ATP6V0A2: variants seen among roughly 807,000 people sequenced by gnomAD.
ATP6V0A2 encodes the protein V-type proton ATPase 116 kDa subunit a 2.
Under a neutral mutation model 104.4 loss-of-function variants are expected in ATP6V0A2, and 58 were observed. The observed-to-expected ratio is 0.56, with a 90% CI of 0.45 to 0.69. The LOEUF is 0.69. Among genes scored for constraint, ATP6V0A2 ranks in the 30% least tolerant of loss-of-function variants. ATP6V0A2 has a pLI of 0.00. For missense variants in ATP6V0A2, 938 were observed against 1,062.9 expected (o/e 0.88, Z 1.63); for synonymous variants, 376 against 397.9 (o/e 0.95, Z 0.65).
chr12:123,743,720 T>C, intron 9 of ATP6V0A2, 65 bp from the exon 10 acceptor site: 3 of 1,575,320 alleles, frequency 1.9e-6, no homozygotes, highest in Admixed American at 1.7e-5. Context: ...CCCAGATTCG[T>C]TGAATATGGA....
chr12:123,723,011 T>G (rs1956415059), intron 3 of ATP6V0A2, among the ~76,000 whole-genome samples: 1 of 152,254 alleles, frequency 6.6e-6, no homozygotes, highest in African/African-American at 2.4e-5. Context: ...AACACTCACC[T>G]GTGCTGCTTA....
chr12:123,749,823 C>A (rs1250332487), intron 15 of ATP6V0A2, among the ~76,000 whole-genome samples: 1 of 152,146 alleles, frequency 6.6e-6, no homozygotes, highest in Admixed American at 6.5e-5. Context: ...AGCCTGTGTT[C>A]CTCCTGAGCC....
rs377048192 is a variant in ATP6V0A2 at position 123,752,217 on chromosome 12, C to T, written c.2056-66C>T. On this transcript the variant is annotated intron_variant, in intron 16 of 19. Coordinates refer to ENST00000330342, the MANE Select transcript of ATP6V0A2 (RefSeq NM_012463.4). The stretch of plus-strand genomic sequence containing the variant: ...CATTAAGAGAAACAAAGAAACTATA[C>T]AAGTTTGGTTTTGTCACAACCTTGT... The T allele has an allele frequency of 4.1e-5, 65 of 1,602,016 alleles. No individual in the cohort carries two copies. The East Asian group carries it at 8.5e-4, about 21-fold the overall frequency.
intron 7 of ATP6V0A2, 93 bp from the exon 8 acceptor site, chr12:123,735,438 C>T: frequency 8.2e-7 from 1 of 1,221,386 alleles, no homozygotes; most frequent in East Asian, 2.4e-5. Flanking sequence ...CGGCTGCTTT[C>T]ATTCCGTTTT....
At position 123,744,578 on chromosome 12, in the gene ATP6V0A2, C is replaced by T; in HGVS notation, c.1327-19C>T. 6.2e-7 allele frequency: 1 copy of T among 1,612,354 alleles called. No individual in the cohort carries two copies. Among genetic ancestry groups the T allele is most frequent in the Non-Finnish European group, 8.5e-7 (1 of 1,180,012 alleles). On this transcript the variant is annotated intron_variant, in intron 11 of 19. Coordinates refer to ENST00000330342, the MANE Select transcript of ATP6V0A2 (RefSeq NM_012463.4). The surrounding 1 kb of genome is among the most constrained non-coding windows in gnomAD (Gnocchi z 5.4). ...CACCCTCCAGTAACCATATTCTGCC[C>T]CCGCCTTGCCCTTCACAGATCATGA... is the stretch of plus-strand genomic sequence containing the variant.
At chr12:123,725,808 A>G (rs1956443693) in intron 4 of ATP6V0A2, among the ~76,000 whole-genome samples, 2 of 151,382 alleles carry the variant, frequency 1.3e-5, no homozygotes, top group Admixed American at 6.6e-5. Flanking sequence ...AAAAAAAAAA[A>G]GAAAAAAAAT....
rs1340470098 is a variant in ATP6V0A2, at chr12:123,712,822, C to T, written c.117+140C>T. 4 of 811,992 alleles carry T rather than the reference C, an allele frequency of 4.9e-6. No homozygotes were observed. In the Admixed American group the frequency reaches 6.3e-5, roughly 13 times the overall value. 50.3% of individuals were successfully genotyped at this position (811,992 alleles called of 1,614,324 possible). A position where few individuals can be genotyped will look rare whatever the true frequency, so the allele number is the denominator to read the frequency against. ...TGTCCAGACGGGGAAGATGACACCC[C>T]AGCTCAGCGGCCAAAGCTTCCCGGA... On this transcript the variant is annotated intron_variant, in intron 1 of 19. Transcript: ENST00000330342.
chr12:123,740,645 T>C (rs1274636954), intron 9 of ATP6V0A2, among the ~76,000 whole-genome samples: 1 of 152,244 alleles, frequency 6.6e-6, no homozygotes, highest in African/African-American at 2.4e-5. Flanking sequence ...GCTTTGGTTT[T>C]CTTCTTTTAG....
chr12:123,715,864 C>T (rs768258963), intron 1 of ATP6V0A2, among the ~76,000 whole-genome samples: 1 of 152,088 alleles, frequency 6.6e-6, no homozygotes, highest in Non-Finnish European at 1.5e-5. Context: ...TGACTAACTT[C>T]CTAATTTTAT....
In ATP6V0A2 at chr12:123,753,408, C is replaced by T. The variant is rs570998455; in HGVS notation, c.2175+1006C>T. On this transcript the variant is annotated intron_variant, in intron 17 of 19. Transcript: ENST00000330342. ...TCACAGCCCCGGAGGCTGGCAGGCC[C>T]GGACTGAGATGCTGGCAGGCTGCTT... is the stretch of plus-strand genomic sequence containing the variant. 4.6e-5 allele frequency among the ~76,000 whole-genome samples: 7 copies of T among 152,356 alleles called. No individual in the cohort carries two copies. The East Asian group carries it at 1.3e-3, about 29-fold the overall frequency.
chr12:123,742,466 A>T lies in ATP6V0A2; in HGVS notation c.1039-1319A>T, dbSNP rs180962974. Among the ~76,000 whole-genome samples, 72 of 152,236 alleles carry T rather than the reference A, an allele frequency of 4.7e-4. 1 individual carries two copies. The highest frequency in any genetic ancestry group is 3.4e-3 in the Middle Eastern group (1 of 294). ...CTAGCTGGTTGCACTTTCTGTTCTG[A>T]AGGGGACTTGGGGACGTTCAAAGCT... On this transcript the variant is annotated intron_variant, in intron 9 of 19. Coordinates refer to ENST00000330342, the MANE Select transcript of ATP6V0A2 (RefSeq NM_012463.4).
chr12:123,759,374 C>T lies in ATP6V0A2; in HGVS notation c.*1342C>T, dbSNP rs1015553264. On this transcript the variant is annotated 3_prime_UTR_variant, in exon 20 of 20. Transcript: ENST00000330342. ...AAAGTATTGAGTTAATTTAAACTTT[C>T]AAACACTGTTTAGATCAGTTGAAAA... is the stretch of plus-strand genomic sequence containing the variant. 6.6e-6 allele frequency: 1 copy of T among 152,158 alleles called. No individual in the cohort carries two copies. The highest frequency in any genetic ancestry group is 2.4e-5 in the African/African-American group (1 of 41,430). The allele number at this position is 152,158 out of a possible 1,614,324, so 9.4% of individuals were successfully genotyped here.
rs71308012 is a variant in ATP6V0A2, at chr12:123,729,322, G to GTTTTTTTTTTT, written c.648+1414_648+1424dup. Among the ~76,000 whole-genome samples, 682 of 113,854 alleles carry GTTTTTTTTTTT rather than the reference G, an allele frequency of 6.0e-3. 21 individuals are homozygous for GTTTTTTTTTTT. Among genetic ancestry groups the GTTTTTTTTTTT allele is most frequent in the Non-Finnish European group, 9.2e-3 (537 of 58,130 alleles). The allele number at this position is 113,854 out of a possible 152,430, so 74.7% of individuals were successfully genotyped here. ...AATCAACTGTTTCTTCAAGGAGGCT[G>GTTTTTTTTTTT]TTTTTTTTTTTGAGTGCAAATCTTG... On this transcript the variant is annotated intron_variant, in intron 6 of 19. Transcript: ENST00000330342.
intron 1 of ATP6V0A2, among the ~76,000 whole-genome samples, chr12:123,717,314 C>CAA (rs538974425): frequency 2.2e-4 from 24 of 106,716 alleles, no homozygotes; most frequent in African/African-American, 6.4e-4. Context: ...AACTCTGTCT[C>CAA]AAAAAAAAAA....
chr12:123,713,534 AG>A (rs1956312572), intron 1 of ATP6V0A2, among the ~76,000 whole-genome samples: 1 of 152,076 alleles, frequency 6.6e-6, no homozygotes. Context: ...TGAACAGACA[AG>A]CTTTTCTTGA....
rs1956789104 is a variant in ATP6V0A2 at position 123,759,130 on chromosome 12, G to A, written c.*1098G>A. 2 of 152,598 alleles carry A rather than the reference G, an allele frequency of 1.3e-5. No homozygotes were observed. Among genetic ancestry groups the A allele is most frequent in the South Asian group, 4.1e-4 (2 of 4,832 alleles). The allele number at this position is 152,598 out of a possible 1,614,324, so 9.5% of individuals were successfully genotyped here. On this transcript the variant is annotated 3_prime_UTR_variant, in exon 20 of 20. Coordinates refer to ENST00000330342, the MANE Select transcript of ATP6V0A2 (RefSeq NM_012463.4). The stretch of plus-strand genomic sequence containing the variant: ...TGGCTGATGTCACTGAACCAGAAGG[G>A]TTTATACTGAGTGAAGGAAAGGTAA...
At chr12:123,728,278 G>C (rs1349229312) in intron 6 of ATP6V0A2, among the ~76,000 whole-genome samples, 1 of 151,930 alleles carries the variant, frequency 6.6e-6, no homozygotes, top group Non-Finnish European at 1.5e-5. Flanking sequence ...AAGGAGATGG[G>C]GTCTTGCTGT....
chr12:123,726,081 G>T, intron 4 of ATP6V0A2, 116 bp from the exon 5 acceptor site: 1 of 758,430 alleles, frequency 1.3e-6, no homozygotes, highest in East Asian at 2.6e-5. Context: ...AGAAGTCTTT[G>T]CACCCAGATC....
At chr12:123,735,462 C>A in intron 7 of ATP6V0A2, 69 bp from the exon 8 acceptor site, 1 of 1,424,406 alleles carries the variant, frequency 7.0e-7, no homozygotes, top group Non-Finnish European at 9.9e-7. Flanking sequence ...AGAAGATGTG[C>A]CGGGGAGGTG....
Sources: gnomAD v4.1 joint callset for allele counts (sites outside exome capture counted in the v4.1 genomes callset) on GRCh38, gnomAD v4.1.1 for gene constraint, Gnocchi (gnomAD v3.1) non-coding constraint, MANE v1.5 for transcripts, NCBI Gene and HGNC (gene_info 2026-07-23, HGNC 2026-07-21) for gene names.